The following KLF12 variants were observed in gnomAD, a reference collection of about 807,000 sequenced individuals.
The protein encoded by KLF12 is KLF transcription factor 12.
In KLF12, 9 loss-of-function variants were observed where a neutral mutation model predicts 37.8. The ratio of observed to expected loss-of-function variants is 0.24; its 90% CI spans 0.14 to 0.42. The LOEUF is 0.42. Ranked by LOEUF, KLF12 falls within the 10% of genes least tolerant of loss-of-function variation. The pLI is 1.00. For missense variants in KLF12, 411 were observed against 516.0 expected, an observed-to-expected ratio of 0.80 and a Z score of 1.97; for synonymous variants, 208 against 202.1, an observed-to-expected ratio of 1.03 and a Z score of -0.25.
chr13:73,963,468 T>C (rs1047616899), intron 2 of KLF12, among the ~76,000 whole-genome samples: 1 of 152,198 alleles, frequency 6.6e-6, no homozygotes. Context: ...TTAACTTTTC[T>C]ATTTATTTTC....
At chr13:73,883,803 A>T (rs1887091665) in intron 3 of KLF12, among the ~76,000 whole-genome samples, 1 of 152,228 alleles carries the variant, frequency 6.6e-6, no homozygotes, top group Admixed American at 6.5e-5. Flanking sequence ...CTCATATTTT[A>T]AAAAAGCATT....
At chr13:74,069,503 T>C (rs1177907264) in intron 1 of KLF12, among the ~76,000 whole-genome samples, 2 of 152,100 alleles carry the variant, frequency 1.3e-5, no homozygotes, top group African/African-American at 4.8e-5. Flanking sequence ...CAGGTCCAGG[T>C]ACTAAACATC....
Position 73,929,831 on chromosome 13 carries a change from T to C in KLF12, c.123+14150A>G, listed in dbSNP as rs935395919. ...ATTGCTCCCTTCTGCATCCCTTTTA[T>C]GCATGGTACAGCAGATGGGCAACAT... On this transcript the variant is annotated intron_variant, in intron 3 of 7. Transcript: ENST00000377669. 1.5e-4 allele frequency among the ~76,000 whole-genome samples: 23 copies of C among 152,280 alleles called. No individual in the cohort carries two copies. In the South Asian group the frequency reaches 1.9e-3, roughly 12 times the overall value.
chr13:74,003,597 G>A (rs568260869), intron 1 of KLF12, among the ~76,000 whole-genome samples: 1 of 152,060 alleles, frequency 6.6e-6, no homozygotes, highest in African/African-American at 2.4e-5. Flanking sequence ...ATAATTTCAA[G>A]AATTTTATGA....
chr13:73,709,282 T>C (rs751600659), intron 7 of KLF12, among the ~76,000 whole-genome samples: 4 of 152,126 alleles, frequency 2.6e-5, no homozygotes, highest in Non-Finnish European at 4.4e-5. Flanking sequence ...AGATGAAGCA[T>C]TAAAGGCAAA....
intron 3 of KLF12, among the ~76,000 whole-genome samples, chr13:73,933,681 A>G (rs938578194): frequency 1.3e-5 from 2 of 152,204 alleles, no homozygotes; most frequent in African/African-American, 4.8e-5. Flanking sequence ...GGTTGCTGCT[A>G]TAACAAACAG....
chr13:73,959,468 A>T (rs73526925), intron 2 of KLF12, among the ~76,000 whole-genome samples: 1,647 of 151,644 alleles, frequency 0.011, 30 homozygotes, highest in African/African-American at 0.037. Context: ...GTAAGGTCAT[A>T]AGGAAGCCTT....
intron 3 of KLF12, among the ~76,000 whole-genome samples, chr13:73,894,043 GCCC>G (rs1264765038): frequency 6.6e-6 from 1 of 152,170 alleles, no homozygotes; most frequent in African/African-American, 2.4e-5. Flanking sequence ...AAAAAAGGCT[GCCC>G]GAGTTAGTGA....
chr13:73,697,437 G>A (rs1874228043), intron 7 of KLF12, among the ~76,000 whole-genome samples: 1 of 152,120 alleles, frequency 6.6e-6, no homozygotes, highest in Admixed American at 6.5e-5. Context: ...CACTGTGGTT[G>A]TCCCATGGAG....
chr13:73,737,416 TCGTGTAAC>T (rs1462547665), intron 6 of KLF12, among the ~76,000 whole-genome samples: 1 of 152,204 alleles, frequency 6.6e-6, no homozygotes, highest in African/African-American at 2.4e-5. Context: ...AGTGTTATTT[TCGTGTAAC>T]CCTGGATAAG....
chr13:74,171,116 G>A, the KLF12 span, among the ~76,000 whole-genome samples: 10 of 152,264 alleles, frequency 6.6e-5, 1 homozygote, highest in East Asian at 1.5e-3. Context: ...TATAAAGCTC[G>A]TAATCGACAA....
chr13:73,710,779 A>T (rs1875339473), intron 7 of KLF12, among the ~76,000 whole-genome samples: 1 of 134,482 alleles, frequency 7.4e-6, no homozygotes, highest in African/African-American at 3.0e-5. Flanking sequence ...AGTAACCCTA[A>T]GTGTTCAAGT....
rs1039441070 is a variant in KLF12, at chr13:73,708,763, G to A, written c.1027+6605C>T. ...GTTAATAAGCAATAGAACTCTTAAC[G>A]TGAGGGAATCCATAGTGCATAATTG... On this transcript the variant is annotated intron_variant, in intron 7 of 7. Transcript: ENST00000377669. Among the ~76,000 whole-genome samples, 28 of 152,286 alleles carry A rather than the reference G, an allele frequency of 1.8e-4. 1 individual carries two copies. The highest frequency in any genetic ancestry group is 6.5e-4 in the Admixed American group (10 of 15,286).
chr13:73,884,747 A>C (rs900351110), intron 3 of KLF12, among the ~76,000 whole-genome samples: 1 of 152,242 alleles, frequency 6.6e-6, no homozygotes, highest in Non-Finnish European at 1.5e-5. Flanking sequence ...ATCTGAATTA[A>C]TGTAAATTTA....
intron 2 of KLF12, among the ~76,000 whole-genome samples, chr13:73,950,260 T>G (rs1235070620): frequency 6.6e-6 from 1 of 152,220 alleles, no homozygotes; most frequent in Admixed American, 6.5e-5. Flanking sequence ...TTATTCAAGT[T>G]GCAAATGGAT....
At chr13:73,930,075 T>C (rs1889593664) in intron 3 of KLF12, among the ~76,000 whole-genome samples, 1 of 152,190 alleles carries the variant, frequency 6.6e-6, no homozygotes, top group African/African-American at 2.4e-5. Flanking sequence ...GGTCAGATTA[T>C]ATAGGTGCAA....
intron 1 of KLF12, among the ~76,000 whole-genome samples, chr13:74,021,568 G>A (rs914491886): frequency 6.6e-6 from 1 of 152,104 alleles, no homozygotes. Context: ...GCATGGGAGA[G>A]CTGACTGCAC....
At chr13:73,833,169 A>G (rs1566402756) in intron 4 of KLF12, among the ~76,000 whole-genome samples, 1 of 152,342 alleles carries the variant, frequency 6.6e-6, no homozygotes, top group South Asian at 2.1e-4. Context: ...CCTGGATCCA[A>G]TCAAAGCTAT....
intron 3 of KLF12, among the ~76,000 whole-genome samples, chr13:73,871,339 T>A (rs753955347): frequency 2.0e-5 from 3 of 152,216 alleles, no homozygotes; most frequent in Non-Finnish European, 2.9e-5. Context: ...TTCTCTTCAA[T>A]GAATAAGCGA....
Sources: allele counts gnomAD v4.1 joint callset (sites outside exome capture counted in the v4.1 genomes callset), GRCh38; gene constraint gnomAD v4.1.1; transcripts MANE v1.5; gene names NCBI Gene and HGNC (gene_info 2026-07-23, HGNC 2026-07-21).